WASF2: variants seen among roughly 807,000 people sequenced by gnomAD.
The protein encoded by WASF2 is actin-binding protein WASF2.
A neutral mutation model predicts 45.0 loss-of-function variants in WASF2; 14 were observed. That is an observed-to-expected ratio of 0.31 (90% CI 0.21 to 0.49). The LOEUF (loss-of-function observed/expected upper bound fraction) is 0.49, where lower values mean the gene tolerates loss of function less well. WASF2 is among the 20% of genes least tolerant of loss of function. The probability of loss-of-function intolerance (pLI) is 0.99; values close to 1 mark genes in which losing one functional copy is unlikely to be tolerated. For synonymous variants in WASF2, 200 were observed against 236.3 expected (o/e 0.85, Z 1.41); for missense variants, 439 against 636.1 (o/e 0.69, Z 3.33).
rs1450756869 is a variant in WASF2, at chr1:27,410,062, C to A, written c.969G>T (p.Pro323=). The A allele has an allele frequency of 1.2e-6, 2 of 1,611,734 alleles. No homozygotes were observed. Among genetic ancestry groups the A allele is most frequent in the Non-Finnish European group, 8.5e-7 (1 of 1,178,954 alleles). The change falls in exon 8 of 9, where the codon CCG becomes CCT. Residue 323 remains proline (P), a synonymous_variant. Coordinates refer to ENST00000618852, the MANE Select transcript of WASF2 (RefSeq NM_006990.5). This position sits in a 1 kb window ranked among gnomAD's most constrained non-coding sequence, Gnocchi z 4.2. ...TGCCTATCATTGGAGGCGGAGGTGG[C>A]GGAGGGGCAGGTGGTGGAGCAAACC... The part of the protein sequence containing the change: ...KPGFAPPPAP[P]PPPPPMIGIP...
intron 4 of WASF2, among the ~76,000 whole-genome samples, chr1:27,417,646 G>A (rs188986160): frequency 6.6e-6 from 1 of 152,334 alleles, no homozygotes; most frequent in Non-Finnish European, 1.5e-5. Flanking sequence ...CTAGAGGAGA[G>A]GGGCTTTGTC....
At chr1:27,475,232 C>T (rs9438521) in intron 1 of WASF2, among the ~76,000 whole-genome samples, 22,851 of 152,170 alleles carry the variant, frequency 0.15, 2,260 homozygotes, top group East Asian at 0.37. Flanking sequence ...GCCTGGGCAA[C>T]AGAGCAAGAC....
chr1:27,430,606 A>C (rs1029037194), intron 1 of WASF2, among the ~76,000 whole-genome samples: 1 of 151,440 alleles, frequency 6.6e-6, no homozygotes, highest in Admixed American at 6.6e-5. Flanking sequence ...AGCCTCCCAA[A>C]GTGCTGGGAC....
intron 1 of WASF2, among the ~76,000 whole-genome samples, chr1:27,465,659 G>C (rs1176116786): frequency 6.6e-6 from 1 of 152,134 alleles, no homozygotes; most frequent in Non-Finnish European, 1.5e-5. Flanking sequence ...AGACAAAATG[G>C]CAATGGCTAA....
At chr1:27,445,567 T>C (rs937990294) in intron 1 of WASF2, among the ~76,000 whole-genome samples, 3 of 152,270 alleles carry the variant, frequency 2.0e-5, no homozygotes, top group Middle Eastern at 6.8e-3. Flanking sequence ...TGTTAATGAG[T>C]ATAACATACT....
chr1:27,429,417 T>C (rs966857792), intron 1 of WASF2, among the ~76,000 whole-genome samples: 2 of 152,198 alleles, frequency 1.3e-5, no homozygotes, highest in Non-Finnish European at 2.9e-5. Flanking sequence ...AAGCTGCCAA[T>C]AGTGATTGAT....
At chr1:27,458,544 C>T (rs2017503606) in intron 1 of WASF2, among the ~76,000 whole-genome samples, 1 of 151,808 alleles carries the variant, frequency 6.6e-6, no homozygotes, top group Non-Finnish European at 1.5e-5. Flanking sequence ...ACTGTAATTC[C>T]AGTGCTTTGG....
intron 2 of WASF2, among the ~76,000 whole-genome samples, chr1:27,426,700 G>A (rs1338887589): frequency 3.3e-5 from 5 of 151,726 alleles, no homozygotes; most frequent in African/African-American, 9.7e-5. Flanking sequence ...TTGTAGAGAC[G>A]GGTTTCACCA....
intron 1 of WASF2, 71 bp from the exon 2 acceptor site, chr1:27,429,004 T>C: frequency 3.4e-5 from 28 of 826,994 alleles, no homozygotes; most frequent in Non-Finnish European, 4.4e-5. Context: ...TGTGAATCTT[T>C]TTTTTTTTTT....
At chr1:27,421,455 A>T (rs2016906818) in intron 2 of WASF2, among the ~76,000 whole-genome samples, 1 of 152,212 alleles carries the variant, frequency 6.6e-6, no homozygotes, top group Non-Finnish European at 1.5e-5. Context: ...AGGTGGGCAG[A>T]TCACTTGAGG....
intron 4 of WASF2, among the ~76,000 whole-genome samples, 175 bp from the exon 5 acceptor site, chr1:27,416,277 T>C (rs2016825161): frequency 6.6e-6 from 1 of 152,194 alleles, no homozygotes; most frequent in African/African-American, 2.4e-5. Context: ...GAATGGCACC[T>C]CTCTACTTAT....
chr1:27,438,674 G>A (rs951254225), intron 1 of WASF2, among the ~76,000 whole-genome samples: 4 of 152,186 alleles, frequency 2.6e-5, no homozygotes, highest in Admixed American at 6.5e-5. Context: ...GCAGGTGGGC[G>A]GAAGCAGCAG....
intron 1 of WASF2, among the ~76,000 whole-genome samples, chr1:27,473,470 A>G (rs2017721250): frequency 6.6e-6 from 1 of 151,466 alleles, no homozygotes; most frequent in Non-Finnish European, 1.5e-5. Flanking sequence ...AAAAAAAAAA[A>G]AAAAGAAAGA....
In WASF2 at chr1:27,480,490, C is replaced by T. The variant is rs12059240; in HGVS notation, c.-44+9496G>A. On this transcript the variant is annotated intron_variant, in intron 1 of 8. Coordinates refer to ENST00000618852, the MANE Select transcript of WASF2 (RefSeq NM_006990.5). ...TTAGATAGCACCACTGCACTCCAGC[C>T]TGGAAACAGAATGAGACTCCATCTA... Among the ~76,000 whole-genome samples the T allele has an allele frequency of 9.3e-3, 1,405 of 150,780 alleles. 27 individuals carry two copies. Among genetic ancestry groups the T allele is most frequent in the African/African-American group, 0.032 (1,326 of 40,960 alleles).
intron 1 of WASF2, among the ~76,000 whole-genome samples, chr1:27,483,806 G>A (rs9438523): frequency 0.15 from 22,775 of 151,370 alleles, 2,257 homozygotes; most frequent in East Asian, 0.37. Flanking sequence ...TTAACAAATT[G>A]GGTGGGCATG....
At chr1:27,481,487 C>T (rs2017849061) in intron 1 of WASF2, among the ~76,000 whole-genome samples, 1 of 151,960 alleles carries the variant, frequency 6.6e-6, no homozygotes, top group Non-Finnish European at 1.5e-5. Context: ...TCACTTGAGG[C>T]CAGGAGTTTG....
intron 2 of WASF2, among the ~76,000 whole-genome samples, chr1:27,425,775 C>A (rs999261439): frequency 1.5e-5 from 2 of 136,354 alleles, no homozygotes; most frequent in Admixed American, 8.7e-5. Flanking sequence ...TGAGGCAGAG[C>A]TTGCAGTGAG....
chr1:27,454,709 T>C lies in WASF2; in HGVS notation c.-43-25776A>G, dbSNP rs541266822. On this transcript the variant is annotated intron_variant, in intron 1 of 8. Transcript: ENST00000618852. ...GGTTGGTCTTGACCTGATTTTTTTA[T>C]TTCTAATATTAACGTATATACCCTT... Among the ~76,000 whole-genome samples the C allele has an allele frequency of 6.6e-5, 10 of 152,314 alleles. No homozygotes were observed. In the East Asian group the frequency reaches 1.9e-3, roughly 29 times the overall value.
In WASF2 at chr1:27,442,318, G is replaced by A. The variant is rs867315428; in HGVS notation, c.-43-13385C>T. Among the ~76,000 whole-genome samples the A allele has an allele frequency of 3.1e-4, 47 of 152,116 alleles. 1 individual carries two copies. The highest frequency in any genetic ancestry group is 3.5e-4 in the Non-Finnish European group (24 of 68,014). ...CTCAGGACTTTGGGAGGCCGAGGCC[G>A]GCAGATCACAAGGTCAAGAGTTCAA... On this transcript the variant is annotated intron_variant, in intron 1 of 8. Transcript: ENST00000618852.
Sources: allele counts gnomAD v4.1 joint callset (sites outside exome capture counted in the v4.1 genomes callset), GRCh38; gene constraint gnomAD v4.1.1; non-coding constraint Gnocchi (gnomAD v3.1); transcripts MANE v1.5; gene names NCBI Gene and HGNC (gene_info 2026-07-23, HGNC 2026-07-21).